The following UBB variants were observed in gnomAD, a reference collection of about 807,000 sequenced individuals.
UBB encodes ubiquitin B, also known as polyubiquitin-B.
UBB carries 11 observed loss-of-function variants against 12.5 expected under a neutral mutation model. The ratio of observed to expected loss-of-function variants is 0.88; its 90% CI spans 0.55 to 1.45. The LOEUF (loss-of-function observed/expected upper bound fraction) is 1.45, where lower values mean the gene tolerates loss of function less well. Ranked by LOEUF, UBB falls within the 40% of genes most tolerant of loss-of-function variation. The pLI, the probability that UBB is intolerant of heterozygous loss-of-function variation, is 0.00. For missense variants in UBB, 76 were observed against 286.9 expected, an observed-to-expected ratio of 0.26 and a Z score of 5.31; for synonymous variants, 168 against 120.1, an observed-to-expected ratio of 1.40 and a Z score of -2.61.
intron 1 of UBB, chr17:16,381,616 T>G: frequency 2.1e-6 from 1 of 470,962 alleles, no homozygotes; most frequent in South Asian, 2.2e-5. Flanking sequence ...TTGAGGCAGA[T>G]TGGAGTTCGG....
intron 1 of UBB, 151 bp from the exon 2 acceptor site, chr17:16,381,749 CTT>C (rs2093276259): frequency 1.9e-6 from 2 of 1,063,788 alleles, no homozygotes; most frequent in Non-Finnish European, 2.7e-6. Context: ...TATTAAGTGA[CTT>C]AGCCTTGTAA....
At position 16,382,478 on chromosome 17, in the gene UBB, G is replaced by C; in HGVS notation, c.571G>C (p.Asp191His). 6.2e-7 allele frequency: 1 copy of C among 1,611,572 alleles called. No homozygotes were observed. The highest frequency in any genetic ancestry group is 8.5e-7 in the Non-Finnish European group (1 of 1,179,382). Residue 191 changes from aspartate (D) to histidine (H), a missense_variant, in exon 2 of 2, where the codon GAC (aspartate) becomes CAC (histidine). Transcript: ENST00000302182. Reference sequence around the variant, plus strand: ...CCAAGATAAAGAAGGCATCCCCCCCGACCAGCAGAGGCTCATCTTTGCAGG... The same window carrying C: ...CCAAGATAAAGAAGGCATCCCCCCCCACCAGCAGAGGCTCATCTTTGCAGG... ...KIQDKEGIPP[D>H]QQRLIFAGKQ...
Position 16,381,885 on chromosome 17 carries a change from T to C in UBB, c.-6-17T>C, listed in dbSNP as rs534209325. On this transcript the variant is annotated splice_polypyrimidine_tract_variant and intron_variant, in intron 1 of 1. Coordinates refer to ENST00000302182, the MANE Select transcript of UBB (RefSeq NM_018955.4). ...ATGATCCTGAGGTGACACGCTTATGTTTTACTTTTAAACTAGGTCAAAATG... is the reference window on the plus strand; with the variant it reads ...ATGATCCTGAGGTGACACGCTTATGCTTTACTTTTAAACTAGGTCAAAATG... 10 of 1,613,336 alleles carry C rather than the reference T, an allele frequency of 6.2e-6. No homozygotes were observed. The South Asian group carries it at 9.9e-5, about 16-fold the overall frequency.
In UBB at chr17:16,382,441, G is replaced by A. The variant is rs1315264102; in HGVS notation, c.534G>A (p.Val178=). ...EVEPSDTIEN[V]KAKIQDKEGI... ...AGCCCAGTGACACCATCGAAAATGT[G>A]AAGGCCAAGATCCAAGATAAAGAAG... is the stretch of plus-strand genomic sequence containing the variant. Residue 178 remains valine, a synonymous_variant, in exon 2 of 2, where the codon GTG becomes GTA. Transcript: ENST00000302182. 6.8e-6 allele frequency: 11 copies of A among 1,610,150 alleles called. No homozygotes were observed. Among genetic ancestry groups the A allele is most frequent in the Non-Finnish European group, 6.8e-6 (8 of 1,179,232 alleles).
intron 1 of UBB, chr17:16,381,655 T>A: frequency 1.8e-6 from 1 of 565,830 alleles, no homozygotes. Context: ...CCGGAACAGT[T>A]AGTGGGGAAA....
Position 16,382,078 on chromosome 17 carries a change from T to A in UBB, c.171T>A (p.Ser57=). ...AGCTGGAAGATGGCCGTACTCTTTC[T>A]GACTACAACATCCAGAAGGAGTCGA... ...GKQLEDGRTL[S]DYNIQKESTL... Residue 57 remains serine, a synonymous_variant, in exon 2 of 2, where the codon TCT becomes TCA. Coordinates refer to ENST00000302182, the MANE Select transcript of UBB (RefSeq NM_018955.4). The A allele has an allele frequency of 1.9e-6, 3 of 1,608,336 alleles. No homozygotes were observed. The highest frequency in any genetic ancestry group is 2.5e-6 in the Non-Finnish European group (3 of 1,178,652).
At position 16,382,292 on chromosome 17, in the gene UBB, G is replaced by T; in HGVS notation, c.385G>T (p.Gly129Cys). 1 of 1,605,772 alleles carries T rather than the reference G, an allele frequency of 6.2e-7. No individual in the cohort carries two copies. The highest frequency in any genetic ancestry group is 8.5e-7 in the Non-Finnish European group (1 of 1,178,380). ...LIFAGKQLED[G>C]RTLSDYNIQK... ...CTTTGCAGGCAAGCAGCTGGAAGATGGCCGCACTCTTTCTGACTACAACAT... is the reference window on the plus strand; with the variant it reads ...CTTTGCAGGCAAGCAGCTGGAAGATTGCCGCACTCTTTCTGACTACAACAT... The change falls in exon 2 of 2, where the codon GGC (glycine) becomes TGC (cysteine). Residue 129 changes from glycine to cysteine, a missense_variant. By Grantham distance (159) the Gly-to-Cys change is radical. Coordinates refer to ENST00000302182, the MANE Select transcript of UBB (RefSeq NM_018955.4).
intron 1 of UBB, 93 bp from the exon 2 acceptor site, chr17:16,381,809 A>C: frequency 6.9e-7 from 1 of 1,441,284 alleles, no homozygotes; most frequent in Non-Finnish European, 9.3e-7. Context: ...GGCATTTTGA[A>C]GGAATAGTTG....
intron 1 of UBB, 187 bp from the exon 2 acceptor site, chr17:16,381,715 T>C: frequency 1.2e-6 from 1 of 829,516 alleles, no homozygotes; most frequent in Non-Finnish European, 1.8e-6. Flanking sequence ...CTGTTGACGT[T>C]GAAACCTTGA....
At chr17:16,381,453 C>T (rs767612938) in intron 1 of UBB, 7 of 185,136 alleles carry the variant, frequency 3.8e-5, no homozygotes, top group Non-Finnish European at 8.0e-5. Flanking sequence ...GCGGGGAAGG[C>T]GGAAAAGAGG....
At position 16,382,264 on chromosome 17, in the gene UBB, C is replaced by T. The variant is rs551926346; in HGVS notation, c.357C>T (p.Leu119=). The stretch of plus-strand genomic sequence containing the variant: ...GCATCCCTCCCGACCAGCAGAGGCT[C>T]ATCTTTGCAGGCAAGCAGCTGGAAG... The part of the protein sequence containing the change: ...KEGIPPDQQR[L]IFAGKQLEDG... Residue 119 remains leucine, a synonymous_variant, in exon 2 of 2, where the codon CTC becomes CTT. Coordinates refer to ENST00000302182, the MANE Select transcript of UBB (RefSeq NM_018955.4). 6.7e-4 allele frequency: 1,084 copies of T among 1,609,368 alleles called. 13 individuals are homozygous for T. The South Asian group carries it at 0.011, about 17-fold the overall frequency.
rs2093280691 is a variant in UBB, at chr17:16,382,661, C to A, written c.*64C>A. The A allele has an allele frequency of 4.4e-6, 7 of 1,579,016 alleles. No individual in the cohort carries two copies. The South Asian group carries it at 7.9e-5, about 18-fold the overall frequency. The stretch of plus-strand genomic sequence containing the variant: ...TTACTCTGCACTATAGCCATTTGCC[C>A]CAACTTAAGTTTAGAAATTACAAGT... On this transcript the variant is annotated 3_prime_UTR_variant, in exon 2 of 2. Coordinates refer to ENST00000302182, the MANE Select transcript of UBB (RefSeq NM_018955.4).
At chr17:16,380,933 T>A (rs375847537), upstream of UBB, 1 of 153,646 alleles carries the variant, frequency 6.5e-6, no homozygotes, top group Non-Finnish European at 1.5e-5. Flanking sequence ...TTCTTACGGC[T>A]ATGAGGAATT....
rs771911434 is a variant in UBB, at chr17:16,381,997, C to T, written c.90C>T (p.Ile30=). The T allele has an allele frequency of 3.1e-6, 5 of 1,612,736 alleles. No homozygotes were observed. The Admixed American group carries it at 6.7e-5, about 22-fold the overall frequency. The change falls in exon 2 of 2, where the codon ATC becomes ATT. Residue 30 remains isoleucine, a synonymous_variant. Coordinates refer to ENST00000302182, the MANE Select transcript of UBB (RefSeq NM_018955.4). ...SDTIENVKAK[I]QDKEGIPPDQ... is the part of the protein sequence containing the mutation. ...CCATCGAAAATGTGAAGGCCAAGAT[C>T]CAGGATAAGGAAGGCATTCCCCCCG...
In UBB at chr17:16,382,454, CA is replaced by C. The variant is rs2093279487; in HGVS notation, c.549del (p.Asp184IlefsTer42). 6.2e-7 allele frequency: 1 copy of C among 1,611,348 alleles called. No individual in the cohort carries two copies. Among genetic ancestry groups the C allele is most frequent in the Non-Finnish European group, 8.5e-7 (1 of 1,179,404 alleles). ...DTIENVKAKI[Q>X]DKEGIPPDQQ... ...CATCGAAAATGTGAAGGCCAAGATC[CA>C]AGATAAAGAAGGCATCCCCCCCGAC... On this transcript the variant is annotated frameshift_variant, in exon 2 of 2. Transcript: ENST00000302182. LOFTEE classifies it high-confidence loss of function.
rs779117502 is a variant in UBB, at chr17:16,382,402, C to T, written c.495C>T (p.Ile165=). The change falls in exon 2 of 2, where the codon ATC becomes ATT. Residue 165 remains isoleucine, a synonymous_variant. Transcript: ENST00000302182. ...TGAAGACCCTGACCGGCAAGACCAT[C>T]ACTCTGGAGGTGGAGCCCAGTGACA... ...IFVKTLTGKT[I]TLEVEPSDTI... is the part of the protein sequence containing the mutation. 6 of 1,610,956 alleles carry T rather than the reference C, an allele frequency of 3.7e-6. No individual in the cohort carries two copies. Among genetic ancestry groups the T allele is most frequent in the South Asian group, 3.3e-5 (3 of 90,968 alleles).
chr17:16,381,752 A>T, intron 1 of UBB, 150 bp from the exon 2 acceptor site: 2 of 1,072,554 alleles, frequency 1.9e-6, no homozygotes, highest in Non-Finnish European at 2.6e-6. Context: ...TAAGTGACTT[A>T]GCCTTGTAAA....
In UBB at chr17:16,381,820, C is replaced by T. The variant is rs1371664661; in HGVS notation, c.-6-82C>T. The T allele has an allele frequency of 4.7e-6, 7 of 1,491,996 alleles. No individual in the cohort carries two copies. In the South Asian group the frequency reaches 9.0e-5, roughly 19 times the overall value. The allele number at this position is 1,491,996 out of a possible 1,614,324, so 92.4% of individuals were successfully genotyped here. Reference sequence around the variant, plus strand: ...TTAAGGCATTTTGAAGGAATAGTTGCTAATTTTGAAGAATATTAGGTGTAA... The same window carrying T: ...TTAAGGCATTTTGAAGGAATAGTTGTTAATTTTGAAGAATATTAGGTGTAA... On this transcript the variant is annotated intron_variant, in intron 1 of 1. Coordinates refer to ENST00000302182, the MANE Select transcript of UBB (RefSeq NM_018955.4).
At chr17:16,381,696 G>C (rs2093276078) in intron 1 of UBB, 1 of 708,876 alleles carries the variant, frequency 1.4e-6, no homozygotes, top group Non-Finnish European at 2.3e-6. Flanking sequence ...GAGCGCTCTG[G>C]ATTTTCCGCT....
Sources: gnomAD v4.1 joint callset for allele counts on GRCh38, gnomAD v4.1.1 for gene constraint, MANE v1.5 for transcripts, NCBI Gene and HGNC (gene_info 2026-07-23, HGNC 2026-07-21) for gene names.